CUX1: variants seen among roughly 807,000 people sequenced by gnomAD.
CUX1 encodes protein CASP.
CUX1 carries 31 observed loss-of-function variants against 158.8 expected under a neutral mutation model. The observed-to-expected ratio is 0.20, with a 90% CI of 0.15 to 0.26. The LOEUF is 0.26. CUX1 is among the 10% of genes least tolerant of loss of function. The pLI, the probability that CUX1 is intolerant of heterozygous loss-of-function variation, is 1.00. For synonymous variants in CUX1, 879 were observed against 862.1 expected (o/e 1.02, Z -0.34); for missense variants, 1,589 against 2,014.6 (o/e 0.79, Z 4.04).
intron 4 of CUX1, among the ~76,000 whole-genome samples, chr7:102,080,179 G>A (rs372904774): frequency 7.9e-5 from 12 of 152,172 alleles, no homozygotes; most frequent in African/African-American, 2.4e-4. Flanking sequence ...CCGGTCCCTC[G>A]ACACAGCACT....
chr7:102,020,922 A>G (rs1263192437), intron 2 of CUX1, among the ~76,000 whole-genome samples: 1 of 151,772 alleles, frequency 6.6e-6, no homozygotes, highest in African/African-American at 2.4e-5. Context: ...AGCTAAGACC[A>G]GAGGAGAGGG....
intron 2 of CUX1, among the ~76,000 whole-genome samples, chr7:102,004,761 C>T (rs1817121637): frequency 6.6e-6 from 1 of 151,976 alleles, no homozygotes; most frequent in Admixed American, 6.6e-5. Context: ...CTCACAGGGC[C>T]ACACACCTGG....
chr7:102,161,963 G>A (rs1314469550), intron 9 of CUX1, among the ~76,000 whole-genome samples: 1 of 152,124 alleles, frequency 6.6e-6, no homozygotes, highest in East Asian at 1.9e-4. Context: ...TCCTTGGAGT[G>A]CATTCAGAGA....
intron 11 of CUX1, among the ~76,000 whole-genome samples, chr7:102,180,909 T>G (rs564282419): frequency 1.7e-4 from 18 of 108,804 alleles, no homozygotes; most frequent in African/African-American, 2.6e-4. Context: ...TTATTTTATT[T>G]TATTTTATTG....
chr7:102,191,175 C>T (rs996955573), intron 12 of CUX1, among the ~76,000 whole-genome samples: 1 of 152,282 alleles, frequency 6.6e-6, no homozygotes, highest in South Asian at 2.1e-4. Context: ...GGCACCTCCT[C>T]GGACAGACCC....
At chr7:102,281,829 C>T (rs1450797366) in intron 20 of CUX1, 1 of 1,605,182 alleles carries the variant, frequency 6.2e-7, no homozygotes, top group Non-Finnish European at 8.5e-7. Flanking sequence ...TCACCCCCTC[C>T]TTGCTCCCAG....
chr7:101,905,394 G>T (rs542854263), intron 1 of CUX1, among the ~76,000 whole-genome samples: 1 of 152,352 alleles, frequency 6.6e-6, no homozygotes, highest in South Asian at 2.1e-4. Context: ...AGACCGCTCT[G>T]CATCCCTGTA....
At chr7:102,117,451 G>C (rs1831549907) in intron 8 of CUX1, among the ~76,000 whole-genome samples, 1 of 150,362 alleles carries the variant, frequency 6.7e-6, no homozygotes, top group Non-Finnish European at 1.5e-5. Context: ...CAGAGGTGCA[G>C]TTCCTAGGCT....
Position 102,193,870 on chromosome 7 carries a change from T to C in CUX1, c.1105T>C (p.Ser369Pro), listed in dbSNP as rs1296911842. Residue 369 changes from serine to proline, a missense_variant, in exon 13 of 24, where the codon TCC (serine) becomes CCC (proline). Physicochemically the swap from Ser to Pro is moderately conservative, Grantham distance 74 (BLOSUM62 -1). Coordinates refer to ENST00000292535, the MANE Select transcript of CUX1 (RefSeq NM_181552.4). Reference sequence around the variant, plus strand: ...TCTGAAGTCCATGGAGTTTGCACCGTCCGAGGGCGCTGGGACACAGGTACG... The same window carrying C: ...TCTGAAGTCCATGGAGTTTGCACCGCCCGAGGGCGCTGGGACACAGGTACG... ...NILKSMEFAP[S>P]EGAGTQDAAK... The C allele has an allele frequency of 2.5e-6, 4 of 1,614,052 alleles. No individual in the cohort carries two copies. The highest frequency in any genetic ancestry group is 3.4e-6 in the Non-Finnish European group (4 of 1,180,000).
intron 4 of CUX1, among the ~76,000 whole-genome samples, chr7:102,093,301 T>C (rs1828840747): frequency 6.6e-6 from 1 of 151,936 alleles, no homozygotes; most frequent in African/African-American, 2.4e-5. Context: ...TCCTCCTACC[T>C]TAGCCTCCCA....
At chr7:102,008,528 C>T in intron 2 of CUX1, among the ~76,000 whole-genome samples, 1 of 152,084 alleles carries the variant, frequency 6.6e-6, no homozygotes, top group East Asian at 1.9e-4. Flanking sequence ...CTTTATTCTC[C>T]TCGTGTAATC....
At position 101,930,942 on chromosome 7, in the gene CUX1, CA is replaced by C. The variant is rs534452033; in HGVS notation, c.141+14722del. Among the ~76,000 whole-genome samples, 950 of 152,242 alleles carry C rather than the reference CA, an allele frequency of 6.2e-3. 7 individuals are homozygous for C. The highest frequency in any genetic ancestry group is 0.022 in the African/African-American group (911 of 41,540). On this transcript the variant is annotated intron_variant, in intron 2 of 23. Transcript: ENST00000292535. ...CGAAACCCCGTCTCTACTAAAAATACAAAAATTAGCCGGGTGTGGTGGAGTG... is the reference window on the plus strand; with the variant it reads ...CGAAACCCCGTCTCTACTAAAAATACAAAATTAGCCGGGTGTGGTGGAGTG...
intron 8 of CUX1, among the ~76,000 whole-genome samples, chr7:102,149,897 T>G (rs542790350): frequency 6.6e-6 from 1 of 152,184 alleles, no homozygotes; most frequent in Non-Finnish European, 1.5e-5. Flanking sequence ...CCCACCTCTG[T>G]CCGTTTCCTC....
At chr7:101,950,097 G>A (rs111576141) in intron 2 of CUX1, among the ~76,000 whole-genome samples, 21 of 151,956 alleles carry the variant, frequency 1.4e-4, no homozygotes, top group Admixed American at 3.9e-4. Context: ...TGTAACCTCC[G>A]CCTCCTGGGT....
At chr7:102,189,922 C>T (rs2131897169) in intron 12 of CUX1, 51 bp downstream of exon 12, 1 of 1,589,218 alleles carries the variant, frequency 6.3e-7, no homozygotes, top group South Asian at 1.1e-5. Flanking sequence ...GCATTAGGGC[C>T]ATCTGCTAAC....
intron 9 of CUX1, among the ~76,000 whole-genome samples, chr7:102,163,045 G>A (rs948132292): frequency 6.6e-6 from 1 of 152,166 alleles, no homozygotes; most frequent in African/African-American, 2.4e-5. Context: ...TGAAGCTACA[G>A]GTGAACCCAT....
chr7:102,168,695 G>C (rs1295735830), intron 9 of CUX1, among the ~76,000 whole-genome samples: 1 of 145,538 alleles, frequency 6.9e-6, no homozygotes, highest in Non-Finnish European at 1.5e-5. Context: ...AGGGCAAATA[G>C]ATTCAATGCT....
chr7:101,922,082 C>T (rs1012936040), intron 2 of CUX1, among the ~76,000 whole-genome samples: 1 of 151,860 alleles, frequency 6.6e-6, no homozygotes, highest in African/African-American at 2.4e-5. Flanking sequence ...CATACCACTG[C>T]ACTCCAGCCT....
At chr7:101,831,298 T>C (rs1793976894) in intron 1 of CUX1, among the ~76,000 whole-genome samples, 1 of 151,916 alleles carries the variant, frequency 6.6e-6, no homozygotes, top group Non-Finnish European at 1.5e-5. Flanking sequence ...TGACATTCTT[T>C]TTTTTTTTTC....
Sources: gnomAD v4.1 joint callset for allele counts (sites outside exome capture counted in the v4.1 genomes callset) on GRCh38, gnomAD v4.1.1 for gene constraint, MANE v1.5 for transcripts, NCBI Gene and HGNC (gene_info 2026-07-23, HGNC 2026-07-21) for gene names.